Variants in DLEC1 observed in about 807,000 individuals in gnomAD.
DLEC1 encodes the protein DLEC1 cilia and flagella associated protein.
DLEC1 carries 146 observed loss-of-function variants against 198.1 expected under a neutral mutation model. That is an observed-to-expected ratio of 0.74 (90% CI 0.64 to 0.85). The LOEUF (loss-of-function observed/expected upper bound fraction) is 0.85, where lower values mean the gene tolerates loss of function less well. DLEC1 is among the 40% of genes least tolerant of loss of function. The pLI, the probability that DLEC1 is intolerant of heterozygous loss-of-function variation, is 0.00. For missense variants in DLEC1, 2,233 were observed against 2,220.0 expected, an observed-to-expected ratio of 1.01 and a Z score of -0.12; for synonymous variants, 897 against 866.8, an observed-to-expected ratio of 1.03 and a Z score of -0.61.
intron 11 of DLEC1, 75 bp downstream of exon 11, chr3:38,092,955 A>C: frequency 7.3e-7 from 1 of 1,366,314 alleles, no homozygotes; most frequent in South Asian, 1.2e-5. Flanking sequence ...CCACAGTAGC[A>C]TTAGCGGCAG....
intron 15 of DLEC1, 55 bp from the exon 16 acceptor site, chr3:38,097,127 C>G: frequency 6.9e-7 from 1 of 1,445,130 alleles, no homozygotes; most frequent in Non-Finnish European, 9.5e-7. Flanking sequence ...TCAGCAGGTA[C>G]AGAATTGACA....
At chr3:38,114,278 T>C in intron 25 of DLEC1, 64 bp from the exon 26 acceptor site, 1 of 1,542,970 alleles carries the variant, frequency 6.5e-7, no homozygotes, top group Non-Finnish European at 8.9e-7. Context: ...GTGGAGGCCT[T>C]GCCCAGAGGG....
chr3:38,094,882 C>T lies in DLEC1; in HGVS notation c.1923C>T (p.His641=), dbSNP rs375723640. ...RKQLIIRNAT[H]VELAFYWQIM... ...CTTGGATGCGTTGCCCCCACAGGCACGTGGAGCTGGCCTTCTACTGGCAGA... is the reference window on the plus strand; with the variant it reads ...CTTGGATGCGTTGCCCCCACAGGCATGTGGAGCTGGCCTTCTACTGGCAGA... The change falls in exon 13 of 37, where the codon CAC becomes CAT. Residue 641 remains histidine, a synonymous_variant. Coordinates refer to ENST00000308059, the MANE Select transcript of DLEC1 (RefSeq NM_007335.4). The T allele has an allele frequency of 6.7e-5, 108 of 1,613,734 alleles. No homozygotes were observed. Among genetic ancestry groups the T allele is most frequent in the Non-Finnish European group, 8.1e-5 (95 of 1,179,860 alleles).
In DLEC1 at chr3:38,062,583, A is replaced by G. The variant is rs769743027; in HGVS notation, c.876A>G (p.Lys292=). The G allele has an allele frequency of 6.2e-7, 1 of 1,614,142 alleles. No individual in the cohort carries two copies. Among genetic ancestry groups the G allele is most frequent in the South Asian group, 1.1e-5 (1 of 91,078 alleles). Residue 292 remains lysine, a splice_region_variant and synonymous_variant, in exon 5 of 37, where the codon AAA becomes AAG. Coordinates refer to ENST00000308059, the MANE Select transcript of DLEC1 (RefSeq NM_007335.4). The stretch of plus-strand genomic sequence containing the variant: ...CTATGCTTTTGTATGTTTCAAAGAA[A>G]GCAAGTCAACCAAGGAATAAAAACT... ...AKERTREPLK[K]ASQPRNKNWM...
chr3:38,122,350 AC>A lies in DLEC1; in HGVS notation c.5209del (p.Leu1737CysfsTer84), dbSNP rs759140257. 6.2e-7 allele frequency: 1 copy of A among 1,613,982 alleles called. No homozygotes were observed. The highest frequency in any genetic ancestry group is 8.5e-7 in the Non-Finnish European group (1 of 1,179,976). On this transcript the variant is annotated frameshift_variant, in exon 37 of 37. Coordinates refer to ENST00000308059, the MANE Select transcript of DLEC1 (RefSeq NM_007335.4). LOFTEE classifies it high-confidence loss of function. ...VEGVLGEKSC[T>X]LRLRGQGSYD... is the part of the protein sequence containing the mutation. The stretch of plus-strand genomic sequence containing the variant: ...AGGTGTGCTCGGTGAGAAGTCCTGC[AC>A]CCTGCGGCTCCGGGGCCAAGGCTCC...
Position 38,088,420 on chromosome 3 carries a change from C to T in DLEC1, c.1665+32C>T, listed in dbSNP as rs150030520. 33 of 1,576,272 alleles carry T rather than the reference C, an allele frequency of 2.1e-5. No individual in the cohort carries two copies. In the East Asian group the frequency reaches 7.4e-4, roughly 36 times the overall value. On this transcript the variant is annotated intron_variant, in intron 10 of 36. Transcript: ENST00000308059. ...AATCAGACATTGGCATGTATTTCCT[C>T]AACTGCTTGCATGCTTGCATTTGTC...
intron 6 of DLEC1, among the ~76,000 whole-genome samples, chr3:38,072,715 G>A (rs1333525934): frequency 1.3e-5 from 2 of 152,212 alleles, no homozygotes; most frequent in Non-Finnish European, 2.9e-5. Context: ...GAAAGGAGTT[G>A]TTGTTTTGTA....
Position 38,094,920 on chromosome 3 carries a change from A to G in DLEC1, c.1961A>G (p.Asn654Ser), listed in dbSNP as rs996917252. The G allele has an allele frequency of 1.2e-6, 2 of 1,614,176 alleles. No homozygotes were observed. Among genetic ancestry groups the G allele is most frequent in the Admixed American group, 3.3e-5 (2 of 60,026 alleles). Reference protein sequence around the residue: ...LAFYWQIMKPNLQPLMPGETF... With the variant: ...LAFYWQIMKPSLQPLMPGETF... ...TTCTACTGGCAGATCATGAAGCCCA[A>G]CCTGCAGCCCCTCATGCCTGGAGAA... The change falls in exon 13 of 37, where the codon AAC becomes AGC. Residue 654 changes from asparagine (N) to serine (S), a missense_variant. By Grantham distance (46) the Asn-to-Ser change is conservative. Transcript: ENST00000308059.
intron 2 of DLEC1, among the ~76,000 whole-genome samples, chr3:38,059,359 CCA>C (rs1186892348): frequency 6.6e-6 from 1 of 152,246 alleles, no homozygotes; most frequent in Non-Finnish European, 1.5e-5. Flanking sequence ...CGTCACATGG[CCA>C]CAGTCAGGAG....
chr3:38,049,124 T>G (rs938519305), intron 2 of DLEC1, among the ~76,000 whole-genome samples: 4 of 151,766 alleles, frequency 2.6e-5, no homozygotes, highest in African/African-American at 9.7e-5. Flanking sequence ...AGGAGACAAA[T>G]GTCAGTTTGG....
chr3:38,109,470 A>G lies in DLEC1; in HGVS notation c.3168A>G (p.Ser1056=). ...ATCTGGCCCTCCCTTGTCACGTGTC[A>G]GGCATGAAGAAGCCACTGGTTCTAG... is the stretch of plus-strand genomic sequence containing the variant. ...LTHLALPCHV[S]GMKKPLVLGI... The change falls in exon 22 of 37, where the codon TCA becomes TCG. Residue 1056 remains serine, a synonymous_variant. Transcript: ENST00000308059. 6.2e-7 allele frequency: 1 copy of G among 1,614,194 alleles called. No individual in the cohort carries two copies. The highest frequency in any genetic ancestry group is 8.5e-7 in the Non-Finnish European group (1 of 1,180,006).
In DLEC1 at chr3:38,117,919, G is replaced by T. The variant is rs200153863; in HGVS notation, c.4599G>T (p.Ala1533=). 1 of 1,614,010 alleles carries T rather than the reference G, an allele frequency of 6.2e-7. No homozygotes were observed. Among genetic ancestry groups the T allele is most frequent in the Admixed American group, 1.7e-5 (1 of 60,006 alleles). The part of the protein sequence containing the change: ...SRPFSVSQDG[A]SQDHRAPGPG... ...CCTTCTCCGTTTCTCAAGATGGGGC[G>T]AGCCAGGACCACAGAGCTCCTGGCC... Residue 1533 remains alanine, a synonymous_variant, in exon 33 of 37, where the codon GCG becomes GCT. Coordinates refer to ENST00000308059, the MANE Select transcript of DLEC1 (RefSeq NM_007335.4).
rs1701006484 is a variant in DLEC1 at position 38,049,237 on chromosome 3, T to A, written c.562+3544T>A. On this transcript the variant is annotated intron_variant, in intron 2 of 36. Coordinates refer to ENST00000308059, the MANE Select transcript of DLEC1 (RefSeq NM_007335.4). Reference sequence around the variant, plus strand: ...TTCTCAGGTCTCTGCTGGTGATGTGTCTTTCTTTTAAGAAGTGAAGAAGTA... The same window carrying A: ...TTCTCAGGTCTCTGCTGGTGATGTGACTTTCTTTTAAGAAGTGAAGAAGTA... Among the ~76,000 whole-genome samples, 3 of 152,306 alleles carry A rather than the reference T, an allele frequency of 2.0e-5. No individual in the cohort carries two copies. The South Asian group carries it at 6.2e-4, about 32-fold the overall frequency.
At position 38,122,606 on chromosome 3, in the gene DLEC1, A is replaced by G. The variant is rs1700548087; in HGVS notation, c.*194A>G. The G allele has an allele frequency of 1.9e-6, 3 of 1,567,194 alleles. No homozygotes were observed. The East Asian group carries it at 6.8e-5, about 36-fold the overall frequency. ...TGATATGTCCTCAGAGCTAACATAA[A>G]GGACAGGCCACACCACAGCAGAGAC... On this transcript the variant is annotated 3_prime_UTR_variant, in exon 37 of 37. Transcript: ENST00000308059.
At chr3:38,101,526 T>C (rs1182222078) in intron 19 of DLEC1, among the ~76,000 whole-genome samples, 1 of 152,208 alleles carries the variant, frequency 6.6e-6, no homozygotes, top group Non-Finnish European at 1.5e-5. Context: ...GTTTAAACTG[T>C]ATATATGTTT....
chr3:38,068,038 G>C (rs1697122084), intron 6 of DLEC1, among the ~76,000 whole-genome samples: 1 of 152,204 alleles, frequency 6.6e-6, no homozygotes, highest in South Asian at 2.1e-4. Flanking sequence ...ACAGGCGTGA[G>C]CCATTGTACC....
intron 6 of DLEC1, among the ~76,000 whole-genome samples, chr3:38,069,054 C>T (rs917072692): frequency 7.2e-5 from 11 of 151,998 alleles, no homozygotes; most frequent in African/African-American, 2.4e-4. Context: ...AAGTAGTATA[C>T]TATTTGGAGA....
chr3:38,120,431 T>C lies in DLEC1; in HGVS notation c.4705-17T>C. The C allele has an allele frequency of 6.2e-7, 1 of 1,613,494 alleles. No individual in the cohort carries two copies. The highest frequency in any genetic ancestry group is 8.5e-7 in the Non-Finnish European group (1 of 1,179,484). ...CCCTCTGCAGCCGGAGTTGACACCA[T>C]GTCCACATCTGCTCAGGTGAACGTG... is the stretch of plus-strand genomic sequence containing the variant. On this transcript the variant is annotated splice_polypyrimidine_tract_variant and intron_variant, in intron 33 of 36. Transcript: ENST00000308059.
At chr3:38,044,302 C>T (rs1700786798) in intron 1 of DLEC1, among the ~76,000 whole-genome samples, 1 of 152,060 alleles carries the variant, frequency 6.6e-6, no homozygotes, top group South Asian at 2.1e-4. Context: ...CTCATAACTG[C>T]AATCCCAGCG....
Sources: allele counts gnomAD v4.1 joint callset (sites outside exome capture counted in the v4.1 genomes callset), GRCh38; gene constraint gnomAD v4.1.1; transcripts MANE v1.5; gene names NCBI Gene and HGNC (gene_info 2026-07-23, HGNC 2026-07-21).